AFAP1L2: variants seen among roughly 807,000 people sequenced by gnomAD.
AFAP1L2 encodes the protein actin filament associated protein 1 like 2.
In AFAP1L2, 46 loss-of-function variants were observed where a neutral mutation model predicts 99.3. The ratio of observed to expected loss-of-function variants is 0.46; its 90% CI spans 0.37 to 0.59. AFAP1L2 has a LOEUF of 0.59. Among genes scored for constraint, AFAP1L2 ranks in the 20% least tolerant of loss-of-function variants. The pLI, the probability that AFAP1L2 is intolerant of heterozygous loss-of-function variation, is 0.00. For synonymous variants in AFAP1L2, 397 were observed against 419.1 expected (o/e 0.95, Z 0.64); for missense variants, 959 against 1,034.9 (o/e 0.93, Z 1.01).
intron 1 of AFAP1L2, among the ~76,000 whole-genome samples, chr10:114,366,237 G>A (rs887113101): frequency 6.6e-5 from 10 of 152,264 alleles, no homozygotes; most frequent in South Asian, 6.2e-4. Flanking sequence ...ATATACACGC[G>A]AAATACATGA....
upstream of AFAP1L2, chr10:114,404,652 C>G: frequency 2.8e-6 from 2 of 708,932 alleles, no homozygotes; most frequent in Non-Finnish European, 3.9e-6. Flanking sequence ...TGTCCCAGCG[C>G]CCCTGTCCCA....
At chr10:114,374,584 C>T (rs1403280946) in intron 1 of AFAP1L2, among the ~76,000 whole-genome samples, 1 of 151,998 alleles carries the variant, frequency 6.6e-6, no homozygotes, top group South Asian at 2.1e-4. Flanking sequence ...GCGTTTGCTC[C>T]GGATTTGTGC....
intron 1 of AFAP1L2, among the ~76,000 whole-genome samples, chr10:114,361,706 C>G (rs1297446517): frequency 2.0e-5 from 3 of 152,186 alleles, no homozygotes; most frequent in African/African-American, 7.2e-5. Flanking sequence ...CCCACGGCTT[C>G]ATTTCCTTGG....
chr10:114,310,742 C>A (rs1478952608), intron 7 of AFAP1L2, among the ~76,000 whole-genome samples: 1 of 152,130 alleles, frequency 6.6e-6, no homozygotes, highest in Non-Finnish European at 1.5e-5. Context: ...ACCAGAGCCA[C>A]CAGCCCAGGG....
chr10:114,362,114 C>T (rs1022751797), intron 1 of AFAP1L2, among the ~76,000 whole-genome samples: 1 of 152,158 alleles, frequency 6.6e-6, no homozygotes, highest in Non-Finnish European at 1.5e-5. Context: ...CCTTGGTTTC[C>T]ATGCCCATAG....
intron 1 of AFAP1L2, chr10:114,398,929 A>T: frequency 7.7e-7 from 1 of 1,304,302 alleles, no homozygotes; most frequent in African/African-American, 1.5e-5. Context: ...AATAAGGCTC[A>T]AGTCGGGAAA....
At chr10:114,371,432 G>A (rs1178173694) in intron 1 of AFAP1L2, among the ~76,000 whole-genome samples, 1 of 152,080 alleles carries the variant, frequency 6.6e-6, no homozygotes, top group Non-Finnish European at 1.5e-5. Flanking sequence ...AGACTGGCAG[G>A]GCAAAGCCCC....
At chr10:114,394,829 G>A (rs947321158) in intron 1 of AFAP1L2, among the ~76,000 whole-genome samples, 6 of 151,988 alleles carry the variant, frequency 3.9e-5, no homozygotes, top group Admixed American at 2.0e-4. Context: ...AGCTTCCACC[G>A]ACTCCTGGGA....
At chr10:114,321,476 G>A (rs1336298310) in intron 5 of AFAP1L2, among the ~76,000 whole-genome samples, 2 of 152,130 alleles carry the variant, frequency 1.3e-5, no homozygotes, top group Admixed American at 6.5e-5. Context: ...TGGTGTGTAT[G>A]TACCACATTT....
chr10:114,299,076 A>T lies in AFAP1L2; in HGVS notation c.2113+184T>A, dbSNP rs1484323753. 3.9e-5 allele frequency among the ~76,000 whole-genome samples: 6 copies of T among 152,230 alleles called. No homozygotes were observed. The East Asian group carries it at 1.2e-3, about 29-fold the overall frequency. ...CAGAGGCTTTCTCTCTCTGTCCAGG[A>T]GAATGACCTTTCAGACAGGATTGGA... is the stretch of plus-strand genomic sequence containing the variant. On this transcript the variant is annotated intron_variant, in intron 16 of 18. Coordinates refer to ENST00000304129, the MANE Select transcript of AFAP1L2 (RefSeq NM_001001936.3).
intron 5 of AFAP1L2, 27 bp from the exon 6 acceptor site, chr10:114,315,792 G>T (rs1193035602): frequency 1.3e-6 from 2 of 1,588,180 alleles, no homozygotes; most frequent in Non-Finnish European, 8.6e-7. Flanking sequence ...CTCGGTCAGG[G>T]CCCCATGGGG....
chr10:114,402,934 G>A (rs2058360014), intron 1 of AFAP1L2, among the ~76,000 whole-genome samples: 1 of 152,134 alleles, frequency 6.6e-6, no homozygotes, highest in South Asian at 2.1e-4. Context: ...CTCAACTCAA[G>A]GCCTGAATTC....
rs892541529 is a variant in AFAP1L2, at chr10:114,299,264, G to A, written c.2109C>T (p.Cys703=). 3.7e-6 allele frequency: 6 copies of A among 1,614,230 alleles called. No individual in the cohort carries two copies. The highest frequency in any genetic ancestry group is 4.2e-6 in the Non-Finnish European group (5 of 1,180,038). Residue 703 remains cysteine, a synonymous_variant, in exon 16 of 19, where the codon TGC becomes TGT. Coordinates refer to ENST00000304129, the MANE Select transcript of AFAP1L2 (RefSeq NM_001001936.3). ...CCCCACTGGGGGCCCCCTTACCTGT[G>A]CATTTCAGTAGGGTTTCCTTTAGCT... ...KRELKETLLK[C]TDKEVLASLE... is the part of the protein sequence containing the mutation.
chr10:114,340,879 G>A, intron 1 of AFAP1L2, 148 bp from the exon 2 acceptor site: 2 of 1,100,980 alleles, frequency 1.8e-6, no homozygotes, highest in South Asian at 1.3e-5. Flanking sequence ...GCGTATGGGG[G>A]GACTGGGCAG....
intron 6 of AFAP1L2, among the ~76,000 whole-genome samples, chr10:114,315,293 T>G (rs1355756792): frequency 7.4e-5 from 10 of 134,716 alleles, no homozygotes; most frequent in South Asian, 2.8e-4. Context: ...AAGAGGAGGA[T>G]GGGATGGGGA....
chr10:114,311,059 C>T (rs1004882332), intron 7 of AFAP1L2, among the ~76,000 whole-genome samples: 1 of 148,066 alleles, frequency 6.8e-6, no homozygotes, highest in African/African-American at 2.5e-5. Context: ...AAGGCTGTGC[C>T]TTCTGAAAGC....
chr10:114,357,408 A>G (rs1448177369), intron 1 of AFAP1L2, among the ~76,000 whole-genome samples: 2 of 152,090 alleles, frequency 1.3e-5, no homozygotes, highest in African/African-American at 4.8e-5. Context: ...TATCCCCTTG[A>G]CCTTGAAGCC....
At chr10:114,348,642 G>A (rs1027763071) in intron 1 of AFAP1L2, among the ~76,000 whole-genome samples, 4 of 152,188 alleles carry the variant, frequency 2.6e-5, no homozygotes, top group East Asian at 3.8e-4. Flanking sequence ...TTTACAGGAC[G>A]TGCTCTACTT....
At chr10:114,302,011 G>T (rs2041284578) in intron 12 of AFAP1L2, 1 of 314,962 alleles carries the variant, frequency 3.2e-6, no homozygotes, top group Non-Finnish European at 6.0e-6. Flanking sequence ...GTGTGCTGGA[G>T]ACCCAGTGAG....
Sources: gnomAD v4.1 joint callset for allele counts (sites outside exome capture counted in the v4.1 genomes callset) on GRCh38, gnomAD v4.1.1 for gene constraint, MANE v1.5 for transcripts, NCBI Gene and HGNC (gene_info 2026-07-23, HGNC 2026-07-21) for gene names.